The following ZFYVE28 variants were observed in gnomAD, a reference collection of about 807,000 sequenced individuals.
ZFYVE28 encodes the protein zinc finger FYVE-type containing 28.
A neutral mutation model predicts 82.1 loss-of-function variants in ZFYVE28; 40 were observed. The ratio of observed to expected loss-of-function variants is 0.49; its 90% CI spans 0.38 to 0.63. The LOEUF (loss-of-function observed/expected upper bound fraction) is 0.63, where lower values mean the gene tolerates loss of function less well. ZFYVE28 is among the 30% of genes least tolerant of loss of function. ZFYVE28 has a pLI of 0.00. For synonymous variants in ZFYVE28, 612 were observed against 546.1 expected, an observed-to-expected ratio of 1.12 and a Z score of -1.68; for missense variants, 1,321 against 1,242.1, an observed-to-expected ratio of 1.06 and a Z score of -0.96.
intron 1 of ZFYVE28, among the ~76,000 whole-genome samples, chr4:2,412,161 C>A (rs1339262734): frequency 1.3e-5 from 2 of 152,202 alleles, no homozygotes; most frequent in Admixed American, 6.5e-5. Flanking sequence ...AACCAAGTAC[C>A]CGCCACCTAC....
At chr4:2,318,390 T>C (rs1279042722) in intron 7 of ZFYVE28, among the ~76,000 whole-genome samples, 1 of 152,114 alleles carries the variant, frequency 6.6e-6, no homozygotes, top group African/African-American at 2.4e-5. Flanking sequence ...AAACCCCGTC[T>C]CTACTAAAAA....
chr4:2,345,752 TG>T (rs916962161), intron 2 of ZFYVE28, among the ~76,000 whole-genome samples: 1 of 151,454 alleles, frequency 6.6e-6, no homozygotes, highest in African/African-American at 2.4e-5. Context: ...ATAATCAAAT[TG>T]GTCAAAACCA....
rs199748984 is a variant in ZFYVE28 at position 2,304,727 on chromosome 4, G to C, written c.1613C>G (p.Ser538Trp). 3.7e-6 allele frequency: 6 copies of C among 1,612,710 alleles called. No individual in the cohort carries two copies. In the South Asian group the frequency reaches 5.5e-5, roughly 15 times the overall value. ...DSAVATQEAA[S>W]EPVAEGMDGG... The stretch of plus-strand genomic sequence containing the variant: ...ATCCATCCCCTCGGCCACGGGCTCC[G>C]AGGCGGCCTCCTGGGTGGCGACCGC... The change falls in exon 8 of 13, where the codon TCG (serine) becomes TGG (tryptophan). Residue 538 changes from serine (S) to tryptophan (W), a missense_variant. This residue lies in a region of ZFYVE28 where 978 missense variants were observed against 833.7 expected (regional missense o/e 1.17). Coordinates refer to ENST00000290974, the MANE Select transcript of ZFYVE28 (RefSeq NM_020972.3).
rs551568164 is a variant in ZFYVE28, at chr4:2,327,308, A to C, written c.702-7037T>G. Reference sequence around the variant, plus strand: ...TATATATATATATATATATATATATATCGAATAAAGTTGCCATCAAACAGT... The same window carrying C: ...TATATATATATATATATATATATATCTCGAATAAAGTTGCCATCAAACAGT... On this transcript the variant is annotated intron_variant, in intron 6 of 12. Coordinates refer to ENST00000290974, the MANE Select transcript of ZFYVE28 (RefSeq NM_020972.3). Among the ~76,000 whole-genome samples the C allele has an allele frequency of 1.6e-3, 114 of 70,260 alleles. 1 individual carries two copies. The South Asian group carries it at 0.034, about 21-fold the overall frequency. 46.1% of individuals were successfully genotyped at this position (70,260 alleles called of 152,430 possible). A position where few individuals can be genotyped will look rare whatever the true frequency, so the allele number is the denominator to read the frequency against.
intron 1 of ZFYVE28, among the ~76,000 whole-genome samples, chr4:2,374,661 A>G (rs1727925897): frequency 6.6e-6 from 1 of 152,082 alleles, no homozygotes; most frequent in Non-Finnish European, 1.5e-5. Flanking sequence ...GAGGAGGGGG[A>G]AAATTGGTTT....
chr4:2,344,949 C>T lies in ZFYVE28; in HGVS notation c.181-3334G>A, dbSNP rs959953521. On this transcript the variant is annotated intron_variant, in intron 2 of 12. Coordinates refer to ENST00000290974, the MANE Select transcript of ZFYVE28 (RefSeq NM_020972.3). ...CAAAACGGCCAGGCGCGGTGGCTCA[C>T]GCCTGTAATCCCAGCACTTGGGGAA... Among the ~76,000 whole-genome samples the T allele has an allele frequency of 5.3e-5, 8 of 152,004 alleles. No homozygotes were observed. The South Asian group carries it at 6.2e-4, about 12-fold the overall frequency.
At chr4:2,277,216 A>C (rs1736546976) in intron 8 of ZFYVE28, among the ~76,000 whole-genome samples, 1 of 152,208 alleles carries the variant, frequency 6.6e-6, no homozygotes, top group Admixed American at 6.5e-5. Flanking sequence ...GTGGTGGCTC[A>C]TGCCTGTAAT....
At chr4:2,402,600 G>A (rs994860641) in intron 1 of ZFYVE28, among the ~76,000 whole-genome samples, 3 of 152,134 alleles carry the variant, frequency 2.0e-5, no homozygotes, top group Non-Finnish European at 4.4e-5. Context: ...AAGACAACAC[G>A]GAAGCCACAC....
intron 8 of ZFYVE28, chr4:2,285,370 C>T (rs1430606986): frequency 2.6e-5 from 4 of 152,276 alleles, no homozygotes; most frequent in Non-Finnish European, 4.4e-5. Flanking sequence ...TCACAGCAGC[C>T]GGGGGAACTA....
At chr4:2,316,979 GTTTC>G (rs768337356) in intron 7 of ZFYVE28, among the ~76,000 whole-genome samples, 7 of 123,270 alleles carry the variant, frequency 5.7e-5, no homozygotes, top group Non-Finnish European at 8.3e-5. Flanking sequence ...GTATTTTCTT[GTTTC>G]TTTAACTTTT....
At chr4:2,381,438 G>A (rs532711445) in intron 1 of ZFYVE28, among the ~76,000 whole-genome samples, 42 of 152,226 alleles carry the variant, frequency 2.8e-4, no homozygotes, top group South Asian at 1.0e-3. Flanking sequence ...ACAGAGTCTC[G>A]CTGTGACACC....
Position 2,270,674 on chromosome 4 carries a change from C to T in ZFYVE28, c.*51G>A. The T allele has an allele frequency of 6.2e-7, 1 of 1,609,614 alleles. No homozygotes were observed. Among genetic ancestry groups the T allele is most frequent in the Non-Finnish European group, 8.5e-7 (1 of 1,178,108 alleles). ...AGACCTGCCTGCAGCGTGGCCCCAC[C>T]TTCCTGGGGGTTCCTGGCCCGGGTG... On this transcript the variant is annotated 3_prime_UTR_variant, in exon 13 of 13. Coordinates refer to ENST00000290974, the MANE Select transcript of ZFYVE28 (RefSeq NM_020972.3).
intron 1 of ZFYVE28, among the ~76,000 whole-genome samples, chr4:2,364,265 C>A (rs571618220): frequency 8.5e-4 from 130 of 152,298 alleles, no homozygotes; most frequent in African/African-American, 2.7e-3. Context: ...GGTGCTGAGC[C>A]CCCAGTCCCA....
At chr4:2,357,473 C>A (rs1725503593) in intron 1 of ZFYVE28, among the ~76,000 whole-genome samples, 1 of 152,340 alleles carries the variant, frequency 6.6e-6, no homozygotes, top group East Asian at 1.9e-4. Context: ...CTGCATGAGA[C>A]CCGCTGGGCC....
chr4:2,353,613 C>T (rs527474245), intron 2 of ZFYVE28, among the ~76,000 whole-genome samples: 13 of 152,254 alleles, frequency 8.5e-5, no homozygotes, highest in Admixed American at 7.8e-4. Flanking sequence ...AAGCTCTGCA[C>T]CAGCACCTGG....
intron 1 of ZFYVE28, among the ~76,000 whole-genome samples, chr4:2,393,622 T>C (rs1730067789): frequency 6.6e-6 from 1 of 152,210 alleles, no homozygotes; most frequent in Non-Finnish European, 1.5e-5. Context: ...TGGTTGTTTT[T>C]GACTCTATAA....
intron 1 of ZFYVE28, among the ~76,000 whole-genome samples, chr4:2,412,463 C>A (rs955304856): frequency 6.6e-6 from 1 of 152,148 alleles, no homozygotes; most frequent in African/African-American, 2.4e-5. Flanking sequence ...AGCATCCCCA[C>A]CTGACACTAG....
Position 2,304,630 on chromosome 4 carries a change from G to A in ZFYVE28, c.1710C>T (p.Cys570=), listed in dbSNP as rs138678197. The change falls in exon 8 of 13, where the codon TGC becomes TGT. Residue 570 remains cysteine (C), a synonymous_variant. Coordinates refer to ENST00000290974, the MANE Select transcript of ZFYVE28 (RefSeq NM_020972.3). ...CCACCACGTCCTCCCTGCTGTCCCC[G>A]CAGCTCCCACAGCACACGCAGGAAT... ...LLHSCVCCGS[C]GDSREDVVER... 1,133 of 1,612,492 alleles carry A rather than the reference G, an allele frequency of 7.0e-4. 1 individual carries two copies. The highest frequency in any genetic ancestry group is 8.7e-4 in the Non-Finnish European group (1,028 of 1,179,832).
chr4:2,404,300 A>G (rs2108677759), intron 1 of ZFYVE28, among the ~76,000 whole-genome samples: 1 of 111,160 alleles, frequency 9.0e-6, no homozygotes, highest in East Asian at 3.1e-4. Context: ...ACGGAGCGAG[A>G]CTCCGCCTCA....
Sources: allele counts gnomAD v4.1 joint callset (sites outside exome capture counted in the v4.1 genomes callset), GRCh38; gene constraint gnomAD v4.1.1; regional missense constraint gnomAD v4.1.1; transcripts MANE v1.5; gene names NCBI Gene and HGNC (gene_info 2026-07-23, HGNC 2026-07-21).